The following TDRD9 variants were observed in gnomAD, a reference collection of about 807,000 sequenced individuals.
The protein encoded by TDRD9 is ATP-dependent RNA helicase TDRD9.
TDRD9 carries 124 observed loss-of-function variants against 172.6 expected under a neutral mutation model. The ratio of observed to expected loss-of-function variants is 0.72; its 90% CI spans 0.62 to 0.83. The LOEUF is 0.83. Ranked by LOEUF, TDRD9 falls within the 40% of genes least tolerant of loss-of-function variation. The pLI is 0.00. For synonymous variants in TDRD9, 619 were observed against 617.1 expected (o/e 1.00, Z -0.05); for missense variants, 1,479 against 1,714.1 (o/e 0.86, Z 2.42).
At chr14:103,981,454 T>C (rs1205009667) in intron 7 of TDRD9, among the ~76,000 whole-genome samples, 1 of 152,224 alleles carries the variant, frequency 6.6e-6, no homozygotes, top group Admixed American at 6.5e-5. Context: ...TGGGTTATGT[T>C]CAATAGAATA....
chr14:103,989,516 G>C lies in TDRD9; in HGVS notation c.1116-1644G>C, dbSNP rs147779542. ...GAAAGGCATCTTTAGGTCCATGGAT[G>C]GGGGTATGACAGGAGCTTTAGGTGC... On this transcript the variant is annotated intron_variant, in intron 8 of 35. Coordinates refer to ENST00000409874, the MANE Select transcript of TDRD9 (RefSeq NM_153046.3). Among the ~76,000 whole-genome samples the C allele has an allele frequency of 4.9e-4, 75 of 152,354 alleles. 3 individuals carry two copies. In the East Asian group the frequency reaches 0.014, roughly 29 times the overall value.
chr14:104,002,816 C>T (rs751962963), intron 13 of TDRD9, among the ~76,000 whole-genome samples: 3 of 151,568 alleles, frequency 2.0e-5, no homozygotes, highest in Non-Finnish European at 4.4e-5. Flanking sequence ...ACTGCAGTCT[C>T]CACCTCCCAG....
chr14:103,956,155 T>TATATATA (rs1346157463), intron 2 of TDRD9, among the ~76,000 whole-genome samples: 1 of 116,070 alleles, frequency 8.6e-6, no homozygotes, highest in African/African-American at 3.5e-5. Context: ...TATATAATTA[T>TATATATA]TAGGCCAGGC....
chr14:104,049,875 G>A, intron 35 of TDRD9, 195 bp downstream of exon 35: 1 of 531,240 alleles, frequency 1.9e-6, no homozygotes, highest in Non-Finnish European at 3.4e-6. Context: ...TGTCTTCTAT[G>A]TGATGTCCCG....
At chr14:103,952,206 ATATATATATATATATTTTTTT>A (rs2031930778) in intron 1 of TDRD9, among the ~76,000 whole-genome samples, 1 of 77,128 alleles carries the variant, frequency 1.3e-5, no homozygotes, top group South Asian at 4.7e-4. Flanking sequence ...ATATATATAT[ATATATATATATATATTTTTTT>A]TTTTTTTTTT....
intron 30 of TDRD9, among the ~76,000 whole-genome samples, chr14:104,032,969 G>A (rs1243316221): frequency 1.3e-5 from 2 of 152,018 alleles, no homozygotes; most frequent in African/African-American, 4.8e-5. Flanking sequence ...AGGGGAGGTG[G>A]GATGAGGGTG....
chr14:103,944,692 C>T (rs903108200), intron 1 of TDRD9, among the ~76,000 whole-genome samples: 4 of 151,606 alleles, frequency 2.6e-5, no homozygotes, highest in Non-Finnish European at 4.4e-5. Flanking sequence ...CAGCCTCCCT[C>T]GTAGCTGGGA....
intron 6 of TDRD9, among the ~76,000 whole-genome samples, chr14:103,973,367 T>C (rs1482387367): frequency 6.6e-6 from 1 of 152,154 alleles, no homozygotes; most frequent in African/African-American, 2.4e-5. Flanking sequence ...GGCCTCCCCT[T>C]TCCTCTCCCC....
At chr14:103,992,110 A>C (rs956298486) in intron 9 of TDRD9, among the ~76,000 whole-genome samples, 1 of 152,232 alleles carries the variant, frequency 6.6e-6, no homozygotes, top group Non-Finnish European at 1.5e-5. Flanking sequence ...CATCAGGGTA[A>C]TCCTTGAGTT....
rs949684666 is a variant in TDRD9 at position 103,928,528 on chromosome 14, A to G, written c.19A>G (p.Ile7Val). The change falls in exon 1 of 36, where the codon ATC (isoleucine) becomes GTC (valine). Residue 7 changes from isoleucine (I) to valine (V), a missense_variant. Ile to Val is a conservative substitution (Grantham distance 29, BLOSUM62 3). This residue lies in a region of TDRD9 where 63 missense variants were observed against 48.4 expected (regional missense o/e 1.30). Coordinates refer to ENST00000409874, the MANE Select transcript of TDRD9 (RefSeq NM_153046.3). Reference protein sequence around the residue: MLRKLTIEQINDWFTIG... With the variant: MLRKLTVEQINDWFTIG... ...CTTGAGGATGCTGCGGAAGCTCACCATCGAGCAGATCAACGACTGGTTCAC... is the reference window on the plus strand; with the variant it reads ...CTTGAGGATGCTGCGGAAGCTCACCGTCGAGCAGATCAACGACTGGTTCAC... The G allele has an allele frequency of 7.1e-7, 1 of 1,411,576 alleles. No homozygotes were observed. Among genetic ancestry groups the G allele is most frequent in the Middle Eastern group, 1.9e-4 (1 of 5,318 alleles). 87.4% of individuals were successfully genotyped at this position (1,411,576 alleles called of 1,614,324 possible).
At chr14:103,995,904 A>G in intron 12 of TDRD9, 97 bp downstream of exon 12, 1 of 1,108,856 alleles carries the variant, frequency 9.0e-7, no homozygotes, top group South Asian at 1.7e-5. Flanking sequence ...CTTCCTTCCC[A>G]TCTCCTCCCG....
intron 7 of TDRD9, among the ~76,000 whole-genome samples, chr14:103,977,233 T>G (rs1479076409): frequency 6.6e-6 from 1 of 152,080 alleles, no homozygotes; most frequent in Admixed American, 6.6e-5. Context: ...GGCTTATGTC[T>G]GTAATCCCAG....
chr14:104,043,399 C>T (rs1355252058), intron 34 of TDRD9, among the ~76,000 whole-genome samples: 1 of 152,044 alleles, frequency 6.6e-6, no homozygotes, highest in East Asian at 1.9e-4. Context: ...CACCACCATG[C>T]CCAGCTAATT....
In TDRD9 at chr14:104,026,762, G is replaced by C; in HGVS notation, c.3105G>C (p.Gln1035His). 6.2e-7 allele frequency: 1 copy of C among 1,614,006 alleles called. No individual in the cohort carries two copies. The highest frequency in any genetic ancestry group is 8.5e-7 in the Non-Finnish European group (1 of 1,179,890). Residue 1035 changes from glutamine (Q) to histidine (H), a missense_variant, in exon 28 of 36, where the codon CAG becomes CAC. Gln to His is a conservative substitution (Grantham distance 24). Around this residue, in one of 3 missense-constraint regions of TDRD9, gnomAD observed 1,413 missense variants for 1,649.1 expected, o/e 0.86. Transcript: ENST00000409874. ...CGKHWSDGAS[Q>H]WFASLVSGCT... ...AGCACTGGAGTGACGGGGCCAGCCA[G>C]TGGTTCGCCTCTCTGGTGAGCGGCT...
intron 7 of TDRD9, among the ~76,000 whole-genome samples, chr14:103,981,482 G>T (rs1032356259): frequency 2.6e-5 from 4 of 152,164 alleles, no homozygotes; most frequent in African/African-American, 9.7e-5. Context: ...TCCAGCTTTA[G>T]CAAGATTTAT....
chr14:103,955,886 G>A, intron 2 of TDRD9, 116 bp downstream of exon 2: 1 of 816,250 alleles, frequency 1.2e-6, no homozygotes, highest in Non-Finnish European at 1.9e-6. Flanking sequence ...GAGGTGGGAG[G>A]ATCACTTAAG....
intron 1 of TDRD9, among the ~76,000 whole-genome samples, chr14:103,952,212 ATATATATATTTTTTTTTTTTTTTTT>A (rs1566734807): frequency 1.5e-5 from 1 of 66,432 alleles, no homozygotes; most frequent in African/African-American, 8.0e-5. Flanking sequence ...ATATATATAT[ATATATATATTTTTTTTTTTTTTTTT>A]TTTTTTTTTT....
intron 30 of TDRD9, among the ~76,000 whole-genome samples, chr14:104,033,717 G>T (rs542141369): frequency 6.6e-6 from 1 of 152,166 alleles, no homozygotes; most frequent in Non-Finnish European, 1.5e-5. Flanking sequence ...GCCAAGGAGT[G>T]GTCGGGATCA....
intron 19 of TDRD9, 75 bp downstream of exon 19, chr14:104,007,279 T>A: frequency 7.0e-7 from 1 of 1,432,736 alleles, no homozygotes; most frequent in Non-Finnish European, 9.7e-7. Flanking sequence ...GGTACAGTCA[T>A]AGCGTGTGAA....
Sources: allele counts gnomAD v4.1 joint callset (sites outside exome capture counted in the v4.1 genomes callset), GRCh38; gene constraint gnomAD v4.1.1; regional missense constraint gnomAD v4.1.1; transcripts MANE v1.5; gene names NCBI Gene and HGNC (gene_info 2026-07-23, HGNC 2026-07-21).